MEOX2: variants seen among roughly 807,000 people sequenced by gnomAD.
The protein encoded by MEOX2 is homeobox protein MOX-2.
In MEOX2, 11 loss-of-function variants were observed where a neutral mutation model predicts 27.0. That is an observed-to-expected ratio of 0.41 (90% CI 0.26 to 0.68). MEOX2 has a LOEUF of 0.68. Ranked by LOEUF, MEOX2 falls within the 30% of genes least tolerant of loss-of-function variation. The pLI is 0.33. For missense variants in MEOX2, 436 were observed against 385.4 expected (o/e 1.13, Z -1.10); for synonymous variants, 189 against 155.4 (o/e 1.22, Z -1.61).
At chr7:15,635,414 TAC>T (rs1194189161) in intron 1 of MEOX2, among the ~76,000 whole-genome samples, 1 of 151,982 alleles carries the variant, frequency 6.6e-6, no homozygotes, top group Non-Finnish European at 1.5e-5. Flanking sequence ...ACATTCCAAA[TAC>T]ACAGATATTA....
chr7:15,620,224 T>A (rs1175487802), intron 2 of MEOX2, among the ~76,000 whole-genome samples: 1 of 152,178 alleles, frequency 6.6e-6, no homozygotes, highest in African/African-American at 2.4e-5. Context: ...AACATCTTAC[T>A]GTTTCTCTAG....
At chr7:15,683,869 G>A (rs1782332046) in intron 1 of MEOX2, among the ~76,000 whole-genome samples, 1 of 152,042 alleles carries the variant, frequency 6.6e-6, no homozygotes, top group Admixed American at 6.6e-5. Context: ...AATTTATGTA[G>A]CTGACACAAA....
intron 1 of MEOX2, among the ~76,000 whole-genome samples, chr7:15,646,205 T>G (rs1562604339): frequency 6.6e-6 from 1 of 152,072 alleles, no homozygotes; most frequent in Non-Finnish European, 1.5e-5. Flanking sequence ...ACTTCCAAAT[T>G]TTTGTAAATG....
chr7:15,631,743 A>C (rs887330052), intron 1 of MEOX2, among the ~76,000 whole-genome samples: 2 of 151,838 alleles, frequency 1.3e-5, no homozygotes, highest in African/African-American at 4.8e-5. Flanking sequence ...CAAAGCAATG[A>C]TATAAATGGG....
chr7:15,630,381 G>C (rs367863001), intron 1 of MEOX2, among the ~76,000 whole-genome samples: 20 of 152,150 alleles, frequency 1.3e-4, no homozygotes, highest in African/African-American at 4.8e-4. Context: ...TTTTATTGAA[G>C]ACAAGTAATG....
intron 1 of MEOX2, among the ~76,000 whole-genome samples, chr7:15,653,099 T>A (rs1252592964): frequency 1.6e-5 from 2 of 124,178 alleles, no homozygotes; most frequent in African/African-American, 5.1e-5. Flanking sequence ...CCACTAGCGG[T>A]GGTGTCTGGA....
chr7:15,677,711 A>G (rs2115395401), intron 1 of MEOX2: 1 of 152,268 alleles, frequency 6.6e-6, no homozygotes, highest in East Asian at 1.9e-4. Context: ...CTGTGGACAG[A>G]CCCTGGGGGA....
chr7:15,683,765 T>C (rs1273478166), intron 1 of MEOX2, among the ~76,000 whole-genome samples: 1 of 152,156 alleles, frequency 6.6e-6, no homozygotes, highest in Non-Finnish European at 1.5e-5. Context: ...TTCTTCAACA[T>C]ATCAAAGGAA....
chr7:15,633,876 A>T (rs1398582616), intron 1 of MEOX2, among the ~76,000 whole-genome samples: 6 of 151,838 alleles, frequency 4.0e-5, no homozygotes, highest in Non-Finnish European at 8.8e-5. Context: ...TGACTTTACG[A>T]TCTGATTATA....
At chr7:15,662,956 G>A (rs1435949005) in intron 1 of MEOX2, among the ~76,000 whole-genome samples, 1 of 152,150 alleles carries the variant, frequency 6.6e-6, no homozygotes, top group Non-Finnish European at 1.5e-5. Flanking sequence ...CCTGGGAACA[G>A]AAGCCCCACA....
intron 1 of MEOX2, among the ~76,000 whole-genome samples, chr7:15,644,625 C>T (rs547064804): frequency 6.6e-6 from 1 of 152,224 alleles, no homozygotes; most frequent in East Asian, 1.9e-4. Flanking sequence ...GAGGGAGGTG[C>T]TCTGGACATG....
At chr7:15,654,647 A>G (rs536735416) in intron 1 of MEOX2, among the ~76,000 whole-genome samples, 37 of 151,932 alleles carry the variant, frequency 2.4e-4, no homozygotes, top group African/African-American at 7.0e-4. Context: ...TCCGCCACCA[A>G]CTGGTTTAAT....
intron 2 of MEOX2, among the ~76,000 whole-genome samples, chr7:15,614,611 T>C (rs1304971391): frequency 6.6e-6 from 1 of 152,170 alleles, no homozygotes; most frequent in Non-Finnish European, 1.5e-5. Context: ...CAAGTTTCCA[T>C]ATATGCATAG....
At chr7:15,628,967 C>A (rs935198864) in intron 1 of MEOX2, among the ~76,000 whole-genome samples, 1 of 152,022 alleles carries the variant, frequency 6.6e-6, no homozygotes, top group African/African-American at 2.4e-5. Flanking sequence ...ATTTGGATCC[C>A]TGCTTTGCCT....
At chr7:15,656,163 C>G (rs986860018) in intron 1 of MEOX2, among the ~76,000 whole-genome samples, 7 of 151,604 alleles carry the variant, frequency 4.6e-5, no homozygotes, top group Non-Finnish European at 7.4e-5. Context: ...TATACCCACT[C>G]CTTCCTTCTT....
chr7:15,654,159 G>A (rs949810206), intron 1 of MEOX2, among the ~76,000 whole-genome samples: 1 of 151,932 alleles, frequency 6.6e-6, no homozygotes, highest in Non-Finnish European at 1.5e-5. Flanking sequence ...TTCTGGTTGA[G>A]CTATTGGAGC....
At chr7:15,657,721 G>A (rs561736660) in intron 1 of MEOX2, among the ~76,000 whole-genome samples, 4 of 152,220 alleles carry the variant, frequency 2.6e-5, no homozygotes, top group Non-Finnish European at 5.9e-5. Flanking sequence ...AAGATGCAAT[G>A]ATGGTCACTC....
At chr7:15,658,996 T>A (rs910440808) in intron 1 of MEOX2, among the ~76,000 whole-genome samples, 1 of 152,188 alleles carries the variant, frequency 6.6e-6, no homozygotes, top group African/African-American at 2.4e-5. Flanking sequence ...TAATGTCCAA[T>A]GAGCCAGTAC....
chr7:15,673,077 ATCAT>A (rs896644045), intron 1 of MEOX2, among the ~76,000 whole-genome samples: 5 of 152,208 alleles, frequency 3.3e-5, no homozygotes, highest in African/African-American at 9.6e-5. Flanking sequence ...ACAAGGAGAA[ATCAT>A]TCATTATAAG....
Sources: allele counts gnomAD v4.1 joint callset (sites outside exome capture counted in the v4.1 genomes callset), GRCh38; gene constraint gnomAD v4.1.1; transcripts MANE v1.5; gene names NCBI Gene and HGNC (gene_info 2026-07-23, HGNC 2026-07-21).